Variants in FAM13A observed in about 807,000 individuals in gnomAD.
The protein encoded by FAM13A is protein FAM13A.
A neutral mutation model predicts 129.6 loss-of-function variants in FAM13A; 76 were observed. The observed-to-expected ratio is 0.59, with a 90% CI of 0.49 to 0.71. FAM13A has a LOEUF of 0.71. Ranked by LOEUF, FAM13A falls within the 30% of genes least tolerant of loss-of-function variation. The pLI is 0.00. For missense variants in FAM13A, 1,108 were observed against 1,249.3 expected (o/e 0.89, Z 1.70); for synonymous variants, 443 against 449.9 (o/e 0.98, Z 0.20).
chr4:88,752,380 T>C (rs1291261776), intron 14 of FAM13A, among the ~76,000 whole-genome samples: 1 of 152,178 alleles, frequency 6.6e-6, no homozygotes, highest in Non-Finnish European at 1.5e-5. Flanking sequence ...GAGATTTTAG[T>C]AGACCCCATA....
intron 4 of FAM13A, among the ~76,000 whole-genome samples, chr4:88,958,820 G>A (rs1191740010): frequency 2.0e-5 from 3 of 152,224 alleles, no homozygotes; most frequent in African/African-American, 4.8e-5. Context: ...CCTCAAGGCA[G>A]AAAAGCCACA....
At chr4:88,902,498 G>GA (rs544335474) in intron 6 of FAM13A, among the ~76,000 whole-genome samples, 139 of 143,228 alleles carry the variant, frequency 9.7e-4, no homozygotes, top group East Asian at 3.9e-3. Context: ...CAGTACTAAA[G>GA]AAAAAAAAAA....
chr4:89,054,087 CAT>C (rs1413118007), intron 1 of FAM13A, among the ~76,000 whole-genome samples: 3 of 152,132 alleles, frequency 2.0e-5, no homozygotes, highest in East Asian at 1.9e-4. Flanking sequence ...TCTTTGTACA[CAT>C]GATTGGCAAT....
intron 5 of FAM13A, among the ~76,000 whole-genome samples, chr4:88,924,858 G>T (rs1270568770): frequency 6.6e-6 from 1 of 150,712 alleles, no homozygotes; most frequent in Non-Finnish European, 1.5e-5. Context: ...AAATTTACAA[G>T]AAAAAAACAA....
chr4:89,040,545 C>T (rs1020361853), intron 1 of FAM13A, among the ~76,000 whole-genome samples: 1 of 152,072 alleles, frequency 6.6e-6, no homozygotes, highest in Non-Finnish European at 1.5e-5. Flanking sequence ...ATCATACTAG[C>T]TTGGATAAGG....
chr4:88,840,855 CA>C (rs1332805093), intron 7 of FAM13A, among the ~76,000 whole-genome samples: 1 of 152,058 alleles, frequency 6.6e-6, no homozygotes, highest in African/African-American at 2.4e-5. Flanking sequence ...AGATTTTTGA[CA>C]AGAGGGCCAA....
chr4:88,846,662 G>A (rs141991864), intron 7 of FAM13A, among the ~76,000 whole-genome samples: 1 of 152,240 alleles, frequency 6.6e-6, no homozygotes, highest in African/African-American at 2.4e-5. Flanking sequence ...ATTTGTATTT[G>A]TTTAAACAGT....
intron 4 of FAM13A, among the ~76,000 whole-genome samples, chr4:88,962,239 T>C (rs1758722981): frequency 6.6e-6 from 1 of 152,112 alleles, no homozygotes; most frequent in Non-Finnish European, 1.5e-5. Flanking sequence ...CACAATGTTA[T>C]CACATTAGTA....
In FAM13A at chr4:88,759,024, G is replaced by A. The variant is rs565237246; in HGVS notation, c.1579-123C>T. 1.3e-5 allele frequency: 13 copies of A among 1,019,496 alleles called. No individual in the cohort carries two copies. In the African/African-American group the frequency reaches 2.1e-4, roughly 16 times the overall value. 63.2% of individuals were successfully genotyped at this position (1,019,496 alleles called of 1,614,324 possible). On this transcript the variant is annotated intron_variant, in intron 13 of 23. Transcript: ENST00000264344. Reference sequence around the variant, plus strand: ...CACAGCTGCTAATGCATCCAGCACAGAAATAAAAATCATGGCTTGATGCCC... The same window carrying A: ...CACAGCTGCTAATGCATCCAGCACAAAAATAAAAATCATGGCTTGATGCCC...
At chr4:88,808,415 C>T (rs561586784) in intron 7 of FAM13A, among the ~76,000 whole-genome samples, 31 of 152,200 alleles carry the variant, frequency 2.0e-4, no homozygotes, top group African/African-American at 7.5e-4. Flanking sequence ...TTACTACAGG[C>T]TCCAAAACAT....
chr4:88,821,929 T>C (rs548130603), intron 7 of FAM13A, among the ~76,000 whole-genome samples: 3 of 152,316 alleles, frequency 2.0e-5, no homozygotes, highest in South Asian at 4.1e-4. Flanking sequence ...TAGAAACCAT[T>C]TTGCAAATAA....
intron 8 of FAM13A, among the ~76,000 whole-genome samples, chr4:88,798,456 G>C (rs1237312202): frequency 6.6e-6 from 1 of 151,956 alleles, no homozygotes. Context: ...AACACAACTC[G>C]GCTCTAGATG....
At chr4:88,776,661 G>T (rs1445441197) in intron 11 of FAM13A, among the ~76,000 whole-genome samples, 3 of 152,046 alleles carry the variant, frequency 2.0e-5, no homozygotes, top group East Asian at 3.9e-4. Flanking sequence ...AATATATATG[G>T]TTTTTTTGAT....
intron 4 of FAM13A, among the ~76,000 whole-genome samples, chr4:88,948,752 G>A (rs1471611728): frequency 2.6e-5 from 4 of 152,206 alleles, no homozygotes; most frequent in Non-Finnish European, 5.9e-5. Flanking sequence ...GCCTCCCAAA[G>A]TGCTGGGATT....
At chr4:89,000,196 T>C (rs1404855062) in intron 3 of FAM13A, among the ~76,000 whole-genome samples, 1 of 152,144 alleles carries the variant, frequency 6.6e-6, no homozygotes, top group African/African-American at 2.4e-5. Flanking sequence ...TACAGGTAGA[T>C]ACTCAAGAGA....
intron 19 of FAM13A, among the ~76,000 whole-genome samples, chr4:88,745,296 C>T (rs1457279333): frequency 6.6e-6 from 1 of 152,182 alleles, no homozygotes; most frequent in Non-Finnish European, 1.5e-5. Context: ...GAGCTAATCT[C>T]AGTGGGGCTG....
chr4:88,793,358 T>C (rs897230710), intron 8 of FAM13A, among the ~76,000 whole-genome samples: 1 of 151,970 alleles, frequency 6.6e-6, no homozygotes, highest in African/African-American at 2.4e-5. Flanking sequence ...AGTAAACGAA[T>C]AAATCAATAA....
chr4:88,939,352 A>C (rs1053647262), intron 4 of FAM13A, among the ~76,000 whole-genome samples: 3 of 151,924 alleles, frequency 2.0e-5, no homozygotes, highest in East Asian at 1.9e-4. Context: ...CCACCATCAC[A>C]CGGCCTTCTC....
At chr4:89,013,780 C>T (rs1415756141) in intron 3 of FAM13A, among the ~76,000 whole-genome samples, 1 of 152,146 alleles carries the variant, frequency 6.6e-6, no homozygotes, top group Non-Finnish European at 1.5e-5. Context: ...AGTTACTATA[C>T]AGCAAGTATA....
Sources: gnomAD v4.1 joint callset for allele counts (sites outside exome capture counted in the v4.1 genomes callset) on GRCh38, gnomAD v4.1.1 for gene constraint, MANE v1.5 for transcripts, NCBI Gene and HGNC (gene_info 2026-07-23, HGNC 2026-07-21) for gene names.